CBLN2: variants seen among roughly 807,000 people sequenced by gnomAD.
CBLN2 encodes the protein cerebellin-2.
In CBLN2, 7 loss-of-function variants were observed where a neutral mutation model predicts 15.0. The ratio of observed to expected loss-of-function variants is 0.47; its 90% CI spans 0.27 to 0.88. CBLN2 has a LOEUF of 0.88. Among genes scored for constraint, CBLN2 ranks in the 40% least tolerant of loss-of-function variants. CBLN2 has a pLI of 0.14. For missense variants in CBLN2, 242 were observed against 304.5 expected, an observed-to-expected ratio of 0.79 and a Z score of 1.53; for synonymous variants, 149 against 135.2, an observed-to-expected ratio of 1.10 and a Z score of -0.71.
chr18:72,560,598 C>T (rs912785629), intron 1 of CBLN2, among the ~76,000 whole-genome samples: 41 of 152,136 alleles, frequency 2.7e-4, no homozygotes, highest in African/African-American at 9.2e-4. Flanking sequence ...TGACAGAGAC[C>T]GCATGGCCTG....
chr18:72,616,569 T>A (rs1390794991), intron 1 of CBLN2, among the ~76,000 whole-genome samples: 2 of 152,192 alleles, frequency 1.3e-5, no homozygotes, highest in Non-Finnish European at 2.9e-5. Flanking sequence ...TGATTTTGAT[T>A]CCTTTTGAGT....
intron 1 of CBLN2, among the ~76,000 whole-genome samples, chr18:72,576,428 C>T (rs11661617): frequency 5.3e-5 from 8 of 151,916 alleles, no homozygotes; most frequent in African/African-American, 1.7e-4. Flanking sequence ...AGTGTGCAGC[C>T]GGTTATATCA....
At chr18:72,558,192 GA>G (rs1207015613) in intron 1 of CBLN2, among the ~76,000 whole-genome samples, 1 of 152,168 alleles carries the variant, frequency 6.6e-6, no homozygotes, top group African/African-American at 2.4e-5. Flanking sequence ...GCATCAGCTT[GA>G]CTCTGGAGGG....
intron 1 of CBLN2, among the ~76,000 whole-genome samples, chr18:72,611,882 T>G (rs912527858): frequency 6.6e-6 from 1 of 152,180 alleles, no homozygotes; most frequent in Admixed American, 6.6e-5. Flanking sequence ...GGTCTCACAT[T>G]TAAGTCTCTA....
At chr18:72,578,082 G>A (rs183841720) in intron 1 of CBLN2, among the ~76,000 whole-genome samples, 15 of 152,152 alleles carry the variant, frequency 9.9e-5, no homozygotes, top group Non-Finnish European at 1.5e-4. Context: ...ACCTTTTGAA[G>A]CTTCAATTCA....
intron 1 of CBLN2, among the ~76,000 whole-genome samples, chr18:72,594,255 C>T (rs2069498868): frequency 6.6e-6 from 1 of 152,106 alleles, no homozygotes; most frequent in South Asian, 2.1e-4. Context: ...ACATTCTGCA[C>T]ATGTATCCCA....
At chr18:72,633,842 A>T (rs2069793786) in intron 1 of CBLN2, among the ~76,000 whole-genome samples, 2 of 152,164 alleles carry the variant, frequency 1.3e-5, no homozygotes, top group Admixed American at 1.3e-4. Context: ...ATAGATTAAT[A>T]AATATTGTAA....
At chr18:72,562,596 G>A (rs2069268969) in intron 1 of CBLN2, among the ~76,000 whole-genome samples, 2 of 152,068 alleles carry the variant, frequency 1.3e-5, no homozygotes, top group Non-Finnish European at 2.9e-5. Context: ...TAAAAATTGT[G>A]GAAGATTATT....
chr18:72,574,714 A>G (rs978147754), intron 1 of CBLN2, among the ~76,000 whole-genome samples: 3 of 152,234 alleles, frequency 2.0e-5, no homozygotes, highest in African/African-American at 7.2e-5. Flanking sequence ...TTTCTCAGTG[A>G]AAAGAAAATA....
chr18:72,558,204 G>A (rs1357389395), intron 1 of CBLN2, among the ~76,000 whole-genome samples: 1 of 152,168 alleles, frequency 6.6e-6, no homozygotes, highest in Non-Finnish European at 1.5e-5. Flanking sequence ...CTCTGGAGGG[G>A]CTAGAGACTA....
chr18:72,631,719 C>T (rs2069778171), intron 1 of CBLN2, among the ~76,000 whole-genome samples: 1 of 152,080 alleles, frequency 6.6e-6, no homozygotes, highest in South Asian at 2.1e-4. Context: ...GACACTCCTG[C>T]CTTACACCAA....
chr18:72,616,736 T>C (rs2069665250), intron 1 of CBLN2, among the ~76,000 whole-genome samples: 1 of 152,180 alleles, frequency 6.6e-6, no homozygotes, highest in African/African-American at 2.4e-5. Flanking sequence ...GTCTATTTCA[T>C]CTATCTTGAG....
At chr18:72,596,305 TA>T (rs1167281245) in intron 1 of CBLN2, among the ~76,000 whole-genome samples, 4 of 152,166 alleles carry the variant, frequency 2.6e-5, no homozygotes, top group Non-Finnish European at 5.9e-5. Flanking sequence ...TTTTTATTAA[TA>T]AAAAATTAAT....
chr18:72,591,064 A>T (rs1384997862), intron 1 of CBLN2, among the ~76,000 whole-genome samples: 1 of 152,158 alleles, frequency 6.6e-6, no homozygotes, highest in Non-Finnish European at 1.5e-5. Context: ...TTTTTCCTGA[A>T]TCTAATCATC....
intron 1 of CBLN2, among the ~76,000 whole-genome samples, chr18:72,577,218 A>C (rs2144913786): frequency 6.6e-6 from 1 of 151,612 alleles, no homozygotes; most frequent in East Asian, 1.9e-4. Flanking sequence ...TTGTGCTAAT[A>C]TGTTAACAAT....
chr18:72,538,730 T>C lies in CBLN2; in HGVS notation c.400A>G (p.Ile134Val). The change falls in exon 4 of 5, where the codon ATA (isoleucine) becomes GTA (valine). Residue 134 changes from isoleucine (I) to valine (V), a missense_variant. Coordinates refer to ENST00000269503, the MANE Select transcript of CBLN2 (RefSeq NM_182511.4). Reference sequence around the variant, plus strand: ...ATCCCTTTTCTCGGTGCTACAAATATACTGGAAGCAAGATCAAAGTGGTTG... The same window carrying C: ...ATCCCTTTTCTCGGTGCTACAAATACACTGGAAGCAAGATCAAAGTGGTTG... ...IGNHFDLASS[I>V]FVAPRKGIYS... 6.2e-7 allele frequency: 1 copy of C among 1,613,942 alleles called. No individual in the cohort carries two copies.
At chr18:72,576,680 TC>T (rs2069368973) in intron 1 of CBLN2, among the ~76,000 whole-genome samples, 1 of 151,908 alleles carries the variant, frequency 6.6e-6, no homozygotes, top group Non-Finnish European at 1.5e-5. Flanking sequence ...TGTGCAAGAG[TC>T]TGTGCTGGGA....
At chr18:72,618,848 A>G in intron 1 of CBLN2, 2 of 732,762 alleles carry the variant, frequency 2.7e-6, no homozygotes, top group Non-Finnish European at 2.5e-6. Context: ...AGCCAAAGAG[A>G]TTGAAGTGGT....
At chr18:72,625,823 T>C (rs1022555404) in intron 1 of CBLN2, among the ~76,000 whole-genome samples, 1 of 86,878 alleles carries the variant, frequency 1.2e-5, no homozygotes, top group African/African-American at 4.9e-5. Context: ...TCTCTCTATA[T>C]ATATATATAT....
Sources: gnomAD v4.1 joint callset for allele counts (sites outside exome capture counted in the v4.1 genomes callset) on GRCh38, gnomAD v4.1.1 for gene constraint, MANE v1.5 for transcripts, NCBI Gene and HGNC (gene_info 2026-07-23, HGNC 2026-07-21) for gene names.